RIC1: variants seen among roughly 807,000 people sequenced by gnomAD.
The protein encoded by RIC1 is guanine nucleotide exchange factor subunit RIC1.
In RIC1, 88 loss-of-function variants were observed where a neutral mutation model predicts 169.0. The observed-to-expected ratio is 0.52, with a 90% CI of 0.44 to 0.62. The LOEUF is 0.62. Among genes scored for constraint, RIC1 ranks in the 20% least tolerant of loss-of-function variants. RIC1 has a pLI of 0.00. For synonymous variants in RIC1, 790 were observed against 601.5 expected, an observed-to-expected ratio of 1.31 and a Z score of -4.59; for missense variants, 1,877 against 1,725.5, an observed-to-expected ratio of 1.09 and a Z score of -1.56.
At chr9:5,670,123 C>T (rs1406680936) in intron 2 of RIC1, among the ~76,000 whole-genome samples, 1 of 152,146 alleles carries the variant, frequency 6.6e-6, no homozygotes, top group African/African-American at 2.4e-5. Flanking sequence ...TTTACTTTGC[C>T]TGTATGAAGT....
intron 1 of RIC1, among the ~76,000 whole-genome samples, chr9:5,647,162 G>A (rs1298667734): frequency 7.9e-5 from 12 of 152,104 alleles, no homozygotes; most frequent in African/African-American, 2.9e-4. Flanking sequence ...GTTTTATTCT[G>A]TTGGTCTATA....
At chr9:5,687,708 A>T (rs967135495) in intron 2 of RIC1, among the ~76,000 whole-genome samples, 1 of 152,216 alleles carries the variant, frequency 6.6e-6, no homozygotes, top group Non-Finnish European at 1.5e-5. Context: ...TACACACGGT[A>T]TAAACCCCAG....
At position 5,637,338 on chromosome 9, in the gene RIC1, G is replaced by A. The variant is rs532065963; in HGVS notation, c.144+7885G>A. Reference sequence around the variant, plus strand: ...TCCACCTCGGGCTCCCAAAGTGCTGGGATTACAGGCATGAGCCACTATACC... The same window carrying A: ...TCCACCTCGGGCTCCCAAAGTGCTGAGATTACAGGCATGAGCCACTATACC... On this transcript the variant is annotated intron_variant, in intron 1 of 25. Transcript: ENST00000414202. 1.4e-4 allele frequency among the ~76,000 whole-genome samples: 21 copies of A among 152,132 alleles called. No individual in the cohort carries two copies. In the South Asian group the frequency reaches 3.9e-3, roughly 29 times the overall value.
chr9:5,735,105 A>G (rs963391859), intron 7 of RIC1, among the ~76,000 whole-genome samples: 4 of 152,160 alleles, frequency 2.6e-5, no homozygotes, highest in South Asian at 4.1e-4. Context: ...TTTAACTACA[A>G]TAGTCCTTAT....
In RIC1 at chr9:5,742,945, A is replaced by T. The variant is rs1476960619; in HGVS notation, c.978A>T (p.Glu326Asp). ...PDNSVVIVTWEYGGLSLWSVF... is the reference protein window; with the variant it reads ...PDNSVVIVTWDYGGLSLWSVF... ...ATAGTGTTGTAATAGTGACCTGGGA[A>T]TACGGAGGCCTTTCTTTATGGAGTG... Residue 326 changes from glutamate to aspartate, a missense_variant, in exon 9 of 26, where the codon GAA becomes GAT. Physicochemically the swap from Glu to Asp is conservative, Grantham distance 45. Transcript: ENST00000414202. The T allele has an allele frequency of 6.2e-7, 1 of 1,613,562 alleles. No homozygotes were observed. The highest frequency in any genetic ancestry group is 1.1e-5 in the South Asian group (1 of 91,052).
At chr9:5,762,362 T>A (rs1826393869) in intron 17 of RIC1, among the ~76,000 whole-genome samples, 179 bp from the exon 18 acceptor site, 1 of 152,228 alleles carries the variant, frequency 6.6e-6, no homozygotes. Flanking sequence ...TTAGGCTTTG[T>A]ACCATCCTAG....
chr9:5,735,284 A>G (rs1166073644), intron 7 of RIC1, among the ~76,000 whole-genome samples: 4 of 152,164 alleles, frequency 2.6e-5, no homozygotes, highest in African/African-American at 9.7e-5. Flanking sequence ...AATACAGTCA[A>G]GTGACTAGAA....
chr9:5,631,178 T>C (rs376624469), intron 1 of RIC1, among the ~76,000 whole-genome samples: 1 of 152,230 alleles, frequency 6.6e-6, no homozygotes. Flanking sequence ...GTTTTGGAGT[T>C]ACATACGACA....
At chr9:5,704,760 A>G (rs926803966) in intron 3 of RIC1, among the ~76,000 whole-genome samples, 2 of 152,094 alleles carry the variant, frequency 1.3e-5, no homozygotes, top group African/African-American at 4.8e-5. Context: ...GGCCATGACA[A>G]TTTACGCCTA....
intron 6 of RIC1, among the ~76,000 whole-genome samples, chr9:5,723,307 G>T (rs1319728244): frequency 6.6e-6 from 1 of 152,206 alleles, no homozygotes; most frequent in South Asian, 2.1e-4. Flanking sequence ...TTGATGGCCA[G>T]TGATAATGAG....
At chr9:5,645,874 AT>A (rs1032556790) in intron 1 of RIC1, among the ~76,000 whole-genome samples, 1 of 151,644 alleles carries the variant, frequency 6.6e-6, no homozygotes, top group African/African-American at 2.4e-5. Context: ...GTAGACAAAT[AT>A]CCAGATCCCT....
At chr9:5,769,571 G>T in intron 22 of RIC1, 2 of 809,082 alleles carry the variant, frequency 2.5e-6, no homozygotes, top group Non-Finnish European at 3.6e-6. Flanking sequence ...AGGAGTTCTG[G>T]AATCAGATAG....
chr9:5,740,477 A>G (rs1825012573), intron 8 of RIC1, among the ~76,000 whole-genome samples: 1 of 151,930 alleles, frequency 6.6e-6, no homozygotes, highest in African/African-American at 2.4e-5. Flanking sequence ...ACATATTTAT[A>G]AAGGGGAGTT....
chr9:5,747,363 C>A lies in RIC1; in HGVS notation c.1310C>A (p.Ala437Asp), dbSNP rs149463014. Reference sequence around the variant, plus strand: ...CGCTTGTACTTGAACTGTGGAGAGGCTTCACAAACCCAGAATCCCAGGAGT... The same window carrying A: ...CGCTTGTACTTGAACTGTGGAGAGGATTCACAAACCCAGAATCCCAGGAGT... ...EDRLYLNCGE[A>D]SQTQNPRSSS... Residue 437 changes from alanine (A) to aspartate (D), a missense_variant, in exon 12 of 26, where the codon GCT becomes GAT. Coordinates refer to ENST00000414202, the MANE Select transcript of RIC1 (RefSeq NM_020829.4). The A allele has an allele frequency of 5.0e-6, 8 of 1,614,068 alleles. No individual in the cohort carries two copies. Among genetic ancestry groups the A allele is most frequent in the South Asian group, 1.1e-5 (1 of 91,078 alleles).
At chr9:5,657,489 T>C (rs549645828) in intron 2 of RIC1, among the ~76,000 whole-genome samples, 26 of 152,278 alleles carry the variant, frequency 1.7e-4, no homozygotes, top group African/African-American at 5.1e-4. Flanking sequence ...GTAGATATTA[T>C]TATCCTTCAT....
downstream of RIC1, among the ~76,000 whole-genome samples, chr9:5,778,056 T>C (rs369212566): frequency 2.0e-5 from 3 of 152,320 alleles, no homozygotes; most frequent in Middle Eastern, 3.4e-3. Context: ...GTGGAGAATA[T>C]TGCCATATTA....
intron 7 of RIC1, among the ~76,000 whole-genome samples, chr9:5,737,589 TAC>T (rs1343532175): frequency 2.6e-4 from 28 of 108,350 alleles, no homozygotes; most frequent in African/African-American, 1.0e-3. Flanking sequence ...ACTATGCTTT[TAC>T]ACACACACAT....
chr9:5,665,209 A>G (rs1819683118), intron 2 of RIC1, among the ~76,000 whole-genome samples: 1 of 151,792 alleles, frequency 6.6e-6, no homozygotes, highest in Non-Finnish European at 1.5e-5. Flanking sequence ...TCTCAGCTCT[A>G]ATAGGTCAGT....
At chr9:5,698,533 C>T (rs1354562950) in intron 3 of RIC1, among the ~76,000 whole-genome samples, 6 of 152,076 alleles carry the variant, frequency 3.9e-5, no homozygotes, top group African/African-American at 1.2e-4. Context: ...TTAATAAAAC[C>T]GGCTTAGCTT....
Sources: gnomAD v4.1 joint callset for allele counts (sites outside exome capture counted in the v4.1 genomes callset) on GRCh38, gnomAD v4.1.1 for gene constraint, MANE v1.5 for transcripts, NCBI Gene and HGNC (gene_info 2026-07-23, HGNC 2026-07-21) for gene names.